Variants in MARCHF1 observed in about 807,000 individuals in gnomAD.
The protein encoded by MARCHF1 is membrane associated ring-CH-type finger 1, also known as E3 ubiquitin-protein ligase MARCHF1.
MARCHF1 carries 40 observed loss-of-function variants against 54.2 expected under a neutral mutation model. The observed-to-expected ratio is 0.74, with a 90% CI of 0.57 to 0.96. The LOEUF (loss-of-function observed/expected upper bound fraction) is 0.96. MARCHF1 is among the 40% of genes least tolerant of loss of function. The pLI, the probability that MARCHF1 is intolerant of heterozygous loss-of-function variation, is 0.00. For synonymous variants in MARCHF1, 236 were observed against 236.3 expected (o/e 1.00, Z 0.01); for missense variants, 586 against 656.5 (o/e 0.89, Z 1.17).
intron 4 of MARCHF1, among the ~76,000 whole-genome samples, chr4:163,811,994 C>T (rs1748401046): frequency 6.6e-6 from 1 of 152,110 alleles, no homozygotes; most frequent in Non-Finnish European, 1.5e-5. Flanking sequence ...ATCATCTAAT[C>T]TGTTGAGGGT....
intron 3 of MARCHF1, among the ~76,000 whole-genome samples, chr4:163,925,442 C>A (rs1385282906): frequency 2.0e-5 from 3 of 151,786 alleles, no homozygotes; most frequent in Non-Finnish European, 3.0e-5. Flanking sequence ...TACTGTTATG[C>A]AATAGTTATC....
rs1753418492 is a variant in MARCHF1 at position 164,011,446 on chromosome 4, A to T, written c.-247-22737T>A. Among the ~76,000 whole-genome samples, 3 of 152,230 alleles carry T rather than the reference A, an allele frequency of 2.0e-5. No homozygotes were observed. The South Asian group carries it at 6.2e-4, about 32-fold the overall frequency. ...AGACAAAAAAGTAACTCAATTAAAA[A>T]CTGGGCAAAAGATCTGAACACACAT... On this transcript the variant is annotated intron_variant, in intron 2 of 9. Coordinates refer to ENST00000514618, the MANE Select transcript of MARCHF1 (RefSeq NM_001394959.1).
intron 1 of MARCHF1, among the ~76,000 whole-genome samples, chr4:164,213,300 C>A (rs922485366): frequency 6.6e-6 from 1 of 151,190 alleles, no homozygotes; most frequent in Non-Finnish European, 1.5e-5. Flanking sequence ...GTGGCGCAAG[C>A]TCTGCTCACT....
chr4:164,197,518 A>C, intron 1 of MARCHF1: 1 of 1,613,486 alleles, frequency 6.2e-7, no homozygotes, highest in Non-Finnish European at 8.5e-7. Context: ...AAGCTTTCTC[A>C]ACTTTAACTT....
intron 3 of MARCHF1, among the ~76,000 whole-genome samples, chr4:163,873,024 A>ACACTC (rs1210834994): frequency 6.0e-4 from 91 of 152,028 alleles, no homozygotes; most frequent in African/African-American, 2.0e-3. Context: ...AGCCTGGGCG[A>ACACTC]CAGAGCGAGA....
Position 163,828,054 on chromosome 4 carries a change from C to CAGAGAG in MARCHF1, c.111+25966_111+25967insCTCTCT, listed in dbSNP as rs58684554. On this transcript the variant is annotated intron_variant, in intron 4 of 9. Coordinates refer to ENST00000514618, the MANE Select transcript of MARCHF1 (RefSeq NM_001394959.1). ...ACACACACACACACACACACACACA[C>CAGAGAG]AGACACACCTTGTCATTCTCCTCCT... Among the ~76,000 whole-genome samples, 646 of 148,310 alleles carry CAGAGAG rather than the reference C, an allele frequency of 4.4e-3. 5 individuals are homozygous for CAGAGAG. Among genetic ancestry groups the CAGAGAG allele is most frequent in the Middle Eastern group, 0.014 (4 of 294 alleles).
intron 4 of MARCHF1, among the ~76,000 whole-genome samples, chr4:163,712,730 C>T (rs1579217546): frequency 6.6e-6 from 1 of 152,174 alleles, no homozygotes; most frequent in Non-Finnish European, 1.5e-5. Flanking sequence ...CAAATAGACA[C>T]AAGGACTTAA....
chr4:164,197,595 A>C, intron 1 of MARCHF1: 1 of 1,613,156 alleles, frequency 6.2e-7, no homozygotes, highest in East Asian at 2.2e-5. Context: ...CTTCAAATTC[A>C]TCTGTGAGGG....
intron 3 of MARCHF1, among the ~76,000 whole-genome samples, chr4:163,903,650 G>T (rs982654086): frequency 2.0e-5 from 3 of 148,872 alleles, no homozygotes; most frequent in African/African-American, 7.5e-5. Flanking sequence ...CACCCGTGTC[G>T]CCCAGACTGG....
At chr4:164,354,088 G>C (rs12503534) in intron 1 of MARCHF1, among the ~76,000 whole-genome samples, 53,129 of 63,590 alleles carry the variant, frequency 0.84, 24,024 homozygotes, top group African/African-American at 0.97. Flanking sequence ...CTGAATAGAC[G>C]AATAACAGGA....
At chr4:163,792,329 A>AG (rs1386725113) in intron 4 of MARCHF1, among the ~76,000 whole-genome samples, 1 of 152,184 alleles carries the variant, frequency 6.6e-6, no homozygotes, top group Non-Finnish European at 1.5e-5. Flanking sequence ...GAAGAATTAA[A>AG]TGGTCATCTT....
chr4:163,774,594 T>G (rs534123879), intron 4 of MARCHF1, among the ~76,000 whole-genome samples: 1 of 148,516 alleles, frequency 6.7e-6, no homozygotes, highest in African/African-American at 2.5e-5. Flanking sequence ...ATCTTCCGGG[T>G]TCAAGCTATT....
At chr4:164,158,428 G>C (rs1003008356) in intron 1 of MARCHF1, among the ~76,000 whole-genome samples, 1 of 152,138 alleles carries the variant, frequency 6.6e-6, no homozygotes, top group Non-Finnish European at 1.5e-5. Context: ...ATCACCTGAG[G>C]TCAGGAGTTC....
intron 2 of MARCHF1, among the ~76,000 whole-genome samples, chr4:163,994,999 C>T (rs1753046797): frequency 1.3e-5 from 2 of 152,006 alleles, no homozygotes; most frequent in Admixed American, 1.3e-4. Flanking sequence ...ACCAAACAAA[C>T]AAGCAATTCT....
At chr4:163,631,249 G>C (rs919067845) in intron 5 of MARCHF1, among the ~76,000 whole-genome samples, 5 of 151,898 alleles carry the variant, frequency 3.3e-5, no homozygotes, top group African/African-American at 1.2e-4. Flanking sequence ...CTGGAGTGCA[G>C]TGGTGTGATC....
chr4:164,037,687 T>C (rs10001272), intron 2 of MARCHF1, among the ~76,000 whole-genome samples: 151,573 of 152,326 alleles, frequency 1, 75,415 homozygotes, highest in Middle Eastern at 1. Flanking sequence ...GAGTACAGTA[T>C]GTAAATGGAT....
At chr4:163,692,667 G>C (rs1744502118) in intron 5 of MARCHF1, among the ~76,000 whole-genome samples, 1 of 145,268 alleles carries the variant, frequency 6.9e-6, no homozygotes, top group Non-Finnish European at 1.5e-5. Context: ...CAAGACATTA[G>C]CTAACTGATA....
chr4:163,835,106 T>A (rs1494288), intron 4 of MARCHF1, among the ~76,000 whole-genome samples: 1 of 151,968 alleles, frequency 6.6e-6, no homozygotes, highest in Non-Finnish European at 1.5e-5. Flanking sequence ...TGATCTCAAA[T>A]TTTTGGCCTT....
In MARCHF1 at chr4:163,886,537, G is replaced by A. The variant is rs1037752067; in HGVS notation, c.-38-32368C>T. Among the ~76,000 whole-genome samples the A allele has an allele frequency of 6.6e-5, 10 of 152,164 alleles. No individual in the cohort carries two copies. In the East Asian group the frequency reaches 1.2e-3, roughly 18 times the overall value. On this transcript the variant is annotated intron_variant, in intron 3 of 9. Transcript: ENST00000514618. ...CAAAAAACAGTTACTAAAATCCTAGGATTAGATAAGTGCAATAGAATAAGC... is the reference window on the plus strand; with the variant it reads ...CAAAAAACAGTTACTAAAATCCTAGAATTAGATAAGTGCAATAGAATAAGC...
Sources: allele counts gnomAD v4.1 joint callset (sites outside exome capture counted in the v4.1 genomes callset), GRCh38; gene constraint gnomAD v4.1.1; transcripts MANE v1.5; gene names NCBI Gene and HGNC (gene_info 2026-07-23, HGNC 2026-07-21).